Variants in GFM2 observed in about 807,000 individuals in gnomAD.
GFM2 encodes the protein ribosome-releasing factor 2, mitochondrial.
Under a neutral mutation model 95.4 loss-of-function variants are expected in GFM2, and 72 were observed. The observed-to-expected ratio is 0.76, with a 90% CI of 0.62 to 0.92. GFM2 has a LOEUF of 0.92. Ranked by LOEUF, GFM2 falls within the 40% of genes least tolerant of loss-of-function variation. The pLI is 0.00. For missense variants in GFM2, 825 were observed against 924.1 expected (o/e 0.89, Z 1.39); for synonymous variants, 276 against 317.5 (o/e 0.87, Z 1.39).
chr5:74,764,492 GTTT>G (rs947934125), intron 1 of GFM2, among the ~76,000 whole-genome samples: 1 of 151,866 alleles, frequency 6.6e-6, no homozygotes, highest in African/African-American at 2.4e-5. Flanking sequence ...ATATTATGAG[GTTT>G]TTTTTATTTT....
chr5:74,745,438 T>A (rs1160769541), intron 10 of GFM2, among the ~76,000 whole-genome samples: 1 of 152,258 alleles, frequency 6.6e-6, no homozygotes, highest in Non-Finnish European at 1.5e-5. Flanking sequence ...AAATGGCACA[T>A]AGCATTTACA....
intron 5 of GFM2, among the ~76,000 whole-genome samples, chr5:74,757,515 T>C (rs1357198942): frequency 6.6e-6 from 1 of 151,968 alleles, no homozygotes; most frequent in Admixed American, 6.6e-5. Flanking sequence ...AATCTTCACT[T>C]GAGCCCAGTT....
At chr5:74,741,101 A>C (rs1200731508) in intron 11 of GFM2, among the ~76,000 whole-genome samples, 3 of 152,202 alleles carry the variant, frequency 2.0e-5, no homozygotes, top group Non-Finnish European at 2.9e-5. Context: ...AAAACAAAGA[A>C]CTGTAATGAG....
At chr5:74,732,419 ATAACCTTTT>A (rs1411600791) in intron 16 of GFM2, among the ~76,000 whole-genome samples, 1 of 152,150 alleles carries the variant, frequency 6.6e-6, no homozygotes, top group African/African-American at 2.4e-5. Context: ...AGATAAATTT[ATAACCTTTT>A]TAAGAAACTC....
chr5:74,746,872 T>TTA lies in GFM2; in HGVS notation c.609-708_609-707insTA, dbSNP rs530932787. On this transcript the variant is annotated intron_variant, in intron 8 of 20. Coordinates refer to ENST00000296805, the MANE Select transcript of GFM2 (RefSeq NM_032380.5). ...TAGTACATTTTAAAGGTTGCTGGGC[T>TTA]ATTAATAATCAAGACAAGGTTCTTT... is the stretch of plus-strand genomic sequence containing the variant. Among the ~76,000 whole-genome samples, 403 of 152,252 alleles carry TTA rather than the reference T, an allele frequency of 2.6e-3. 3 individuals carry two copies. Among genetic ancestry groups the TTA allele is most frequent in the African/African-American group, 8.0e-3 (331 of 41,542 alleles).
rs1258278221 is a variant in GFM2, at chr5:74,763,769, G to A, written c.-24-3C>T. The A allele has an allele frequency of 5.7e-6, 9 of 1,586,078 alleles. No individual in the cohort carries two copies. Among genetic ancestry groups the A allele is most frequent in the Non-Finnish European group, 7.8e-6 (9 of 1,157,372 alleles). On this transcript the variant is annotated splice_region_variant and splice_polypyrimidine_tract_variant and intron_variant, in intron 1 of 20. Coordinates refer to ENST00000296805, the MANE Select transcript of GFM2 (RefSeq NM_032380.5). ...TTGATCCTCCAAACTGTTACTGTCT[G>A]AAAAAATAAATATACAAAATCAAAA...
At position 74,760,917 on chromosome 5, in the gene GFM2, A is replaced by G. The variant is rs1744251069; in HGVS notation, c.133T>C (p.Cys45Arg). Reference protein sequence around the residue: ...LKPHVPLGRNCSSLPGLIGND... With the variant: ...LKPHVPLGRNRSSLPGLIGND... Reference sequence around the variant, plus strand: ...ACATTTGTACCTGGTAGAGAACTGCAATTTCTTCCAAGCGGCACATGTGGC... The same window carrying G: ...ACATTTGTACCTGGTAGAGAACTGCGATTTCTTCCAAGCGGCACATGTGGC... The change falls in exon 3 of 21, where the codon TGC (cysteine) becomes CGC (arginine). Residue 45 changes from cysteine to arginine, a missense_variant. Cys to Arg is a radical substitution (Grantham distance 180). Transcript: ENST00000296805. The G allele has an allele frequency of 6.2e-7, 1 of 1,606,304 alleles. No homozygotes were observed. The highest frequency in any genetic ancestry group is 1.3e-5 in the African/African-American group (1 of 74,822).
rs1749880502 is a variant in GFM2 at position 74,721,582 on chromosome 5, A to G, written c.*73T>C. On this transcript the variant is annotated 3_prime_UTR_variant, in exon 21 of 21. Transcript: ENST00000296805. ...AGTACTTTATTCGTCCAATAAATAA[A>G]GCAATAAAAATTGTTCTTACTGAAA... The G allele has an allele frequency of 7.0e-7, 1 of 1,422,388 alleles. No individual in the cohort carries two copies. The highest frequency in any genetic ancestry group is 1.9e-5 in the Admixed American group (1 of 52,064). The allele number at this position is 1,422,388 out of a possible 1,614,324, so 88.1% of individuals were successfully genotyped here.
intron 6 of GFM2, among the ~76,000 whole-genome samples, chr5:74,750,868 T>A: frequency 6.6e-6 from 1 of 152,180 alleles, no homozygotes; most frequent in East Asian, 1.9e-4. Flanking sequence ...AAAACCCAAA[T>A]GTCCACTGAT....
At chr5:74,746,252 G>T in intron 8 of GFM2, 87 bp from the exon 9 acceptor site, 2 of 632,694 alleles carry the variant, frequency 3.2e-6, no homozygotes, top group Non-Finnish European at 4.8e-6. Context: ...ACTCTTTCAG[G>T]TTTTAAGAAT....
At chr5:74,722,310 T>G (rs1749933783) in intron 20 of GFM2, 69 bp downstream of exon 20, 4 of 1,196,338 alleles carry the variant, frequency 3.3e-6, no homozygotes, top group Admixed American at 4.0e-5. Context: ...TTACTGATTG[T>G]CTATTCATTG....
chr5:74,756,502 T>C (rs1484494154), intron 5 of GFM2, among the ~76,000 whole-genome samples: 2 of 152,306 alleles, frequency 1.3e-5, no homozygotes, highest in East Asian at 1.9e-4. Flanking sequence ...CGTGGTCAAG[T>C]ATCTTTTTCG....
At position 74,740,011 on chromosome 5, in the gene GFM2, C is replaced by A; in HGVS notation, c.1057G>T (p.Glu353Ter). 2 of 1,565,932 alleles carry A rather than the reference C, an allele frequency of 1.3e-6. No individual in the cohort carries two copies. Among genetic ancestry groups the A allele is most frequent in the South Asian group, 2.4e-5 (2 of 82,158 alleles). ...TACAGAAATTCATAGTTACGCTCTT[C>A]AGGTGAAGGTAAGTACATAGTAACA... Reference protein sequence around the residue: ...DAVTMYLPSPEERNYEFLQWY... With the variant: ...DAVTMYLPSP The change falls in exon 12 of 21, where the codon GAA becomes TAA. Residue 353 changes from glutamate (E) to a stop codon, truncating the protein, a stop_gained. Coordinates refer to ENST00000296805, the MANE Select transcript of GFM2 (RefSeq NM_032380.5). LOFTEE classifies it high-confidence loss of function.
At chr5:74,759,181 CTGT>C (rs1744148419) in intron 4 of GFM2, among the ~76,000 whole-genome samples, 185 bp downstream of exon 4, 1 of 151,588 alleles carries the variant, frequency 6.6e-6, no homozygotes, top group African/African-American at 2.4e-5. Context: ...GAAAAGTGTG[CTGT>C]TGTTACATTA....
intron 15 of GFM2, 96 bp downstream of exon 15, chr5:74,736,700 C>T (rs1231675595): frequency 1.3e-5 from 20 of 1,548,182 alleles, no homozygotes; most frequent in Non-Finnish European, 1.7e-5. Flanking sequence ...ATAAAATTTA[C>T]CTCAATCACA....
At chr5:74,757,519 C>CCCAGTTTGAGA (rs1241245565) in intron 5 of GFM2, among the ~76,000 whole-genome samples, 1 of 151,690 alleles carries the variant, frequency 6.6e-6, no homozygotes, top group Non-Finnish European at 1.5e-5. Flanking sequence ...TTCACTTGAG[C>CCCAGTTTGAGA]CCAGTTTGAG....
Position 74,733,076 on chromosome 5 carries a change from A to G in GFM2, c.1533T>C (p.Cys511=). 1 of 1,612,238 alleles carries G rather than the reference A, an allele frequency of 6.2e-7. No homozygotes were observed. The highest frequency in any genetic ancestry group is 8.5e-7 in the Non-Finnish European group (1 of 1,178,306). Residue 511 remains cysteine, a synonymous_variant, in exon 16 of 21, where the codon TGT becomes TGC. Transcript: ENST00000296805. ...KQPDLEHALK[C]LQREDPSLKV... ...TCAAACTGGGATCTTCACGCTGAAG[A>G]CATTTCAACGCATGTTCCAAATCTA...
Position 74,760,105 on chromosome 5 carries a change from C to G in GFM2, c.149-679G>C, listed in dbSNP as rs182728038. On this transcript the variant is annotated intron_variant, in intron 3 of 20. Coordinates refer to ENST00000296805, the MANE Select transcript of GFM2 (RefSeq NM_032380.5). ...GTTACATTTGTAAATTTAATTAAAG[C>G]CTTCCTGTTATTTAAACCATTTCTC... Among the ~76,000 whole-genome samples the G allele has an allele frequency of 3.6e-3, 549 of 152,196 alleles. 6 individuals are homozygous for G. The highest frequency in any genetic ancestry group is 0.013 in the African/African-American group (527 of 41,540).
chr5:74,755,101 A>G (rs527440565), intron 5 of GFM2, among the ~76,000 whole-genome samples: 1 of 152,312 alleles, frequency 6.6e-6, no homozygotes, highest in South Asian at 2.1e-4. Context: ...ATCTCAAAAA[A>G]GAGACAATGG....
Sources: gnomAD v4.1 joint callset for allele counts (sites outside exome capture counted in the v4.1 genomes callset) on GRCh38, gnomAD v4.1.1 for gene constraint, MANE v1.5 for transcripts, NCBI Gene and HGNC (gene_info 2026-07-23, HGNC 2026-07-21) for gene names.